Variants in PRPF18 observed in about 807,000 individuals in gnomAD.
The protein encoded by PRPF18 is pre-mRNA processing factor 18.
In PRPF18, 38 loss-of-function variants were observed where a neutral mutation model predicts 46.5. The observed-to-expected ratio is 0.82, with a 90% CI of 0.63 to 1.07. PRPF18 has a LOEUF of 1.07. PRPF18 is among the 50% of genes least tolerant of loss of function. The pLI, the probability that PRPF18 is intolerant of heterozygous loss-of-function variation, is 0.00. For missense variants in PRPF18, 263 were observed against 410.0 expected, an observed-to-expected ratio of 0.64 and a Z score of 3.10; for synonymous variants, 152 against 146.7, an observed-to-expected ratio of 1.04 and a Z score of -0.26.
chr10:13,623,951 T>G (rs755624412), intron 9 of PRPF18, among the ~76,000 whole-genome samples: 3 of 152,222 alleles, frequency 2.0e-5, no homozygotes, highest in Non-Finnish European at 2.9e-5. Flanking sequence ...ATTTACCATC[T>G]TAATCATTTT....
At chr10:13,642,077 T>C in the PRPF18 span, 70,910 of 152,120 alleles carry the variant, frequency 0.47, 19,500 homozygotes, top group East Asian at 0.75. Flanking sequence ...GCTGGGAGCA[T>C]GACTTTGTGC....
intron 1 of PRPF18, among the ~76,000 whole-genome samples, 161 bp from the exon 2 acceptor site, chr10:13,597,297 G>A (rs1353213632): frequency 6.6e-5 from 10 of 151,960 alleles, no homozygotes; most frequent in Admixed American, 5.9e-4. Flanking sequence ...ATGTGCTTGG[G>A]GAATCAATGT....
At chr10:13,597,296 G>T (rs1042835188) in intron 1 of PRPF18, among the ~76,000 whole-genome samples, 162 bp from the exon 2 acceptor site, 1 of 152,038 alleles carries the variant, frequency 6.6e-6, no homozygotes, top group Non-Finnish European at 1.5e-5. Context: ...GATGTGCTTG[G>T]GGAATCAATG....
chr10:13,652,336 C>T, the PRPF18 span: 89 of 274,372 alleles, frequency 3.2e-4, 1 homozygote, highest in South Asian at 4.4e-3. Flanking sequence ...TGCATAGGAC[C>T]CTGAGGAGGG....
chr10:13,652,041 C>G, the PRPF18 span: 1 of 852,400 alleles, frequency 1.2e-6, no homozygotes, highest in Non-Finnish European at 2.1e-6. Flanking sequence ...CTGACACAGA[C>G]ACAGACACGA....
chr10:13,594,381 T>C (rs2080006169), intron 1 of PRPF18, among the ~76,000 whole-genome samples: 1 of 152,226 alleles, frequency 6.6e-6, no homozygotes, highest in South Asian at 2.1e-4. Flanking sequence ...AAGGAGTATC[T>C]TAATAGCCTT....
chr10:13,588,730 A>G (rs1197692471), intron 1 of PRPF18, among the ~76,000 whole-genome samples: 1 of 152,176 alleles, frequency 6.6e-6, no homozygotes, highest in Non-Finnish European at 1.5e-5. Context: ...TTGGAAAGGT[A>G]CTAAAAAGGG....
chr10:13,650,968 A>G, the PRPF18 span: 2 of 152,238 alleles, frequency 1.3e-5, no homozygotes, highest in South Asian at 4.1e-4. Flanking sequence ...CACTTAATAC[A>G]TAAGTGTAGC....
Position 13,587,013 on chromosome 10 carries a change from C to T in PRPF18, c.-74C>T. The T allele has an allele frequency of 1.3e-6, 2 of 1,491,418 alleles. No individual in the cohort carries two copies. Among genetic ancestry groups the T allele is most frequent in the Non-Finnish European group, 1.9e-6 (2 of 1,068,542 alleles). The allele number at this position is 1,491,418 out of a possible 1,614,324, so 92.4% of individuals were successfully genotyped here. A position where few individuals can be genotyped will look rare whatever the true frequency, so the allele number is the denominator to read the frequency against. ...TGTTGTTCCGTATACTCAGTGGGTTCGCGGCCGCCGGCCCAGTGAGGCTGG... is the reference window on the plus strand; with the variant it reads ...TGTTGTTCCGTATACTCAGTGGGTTTGCGGCCGCCGGCCCAGTGAGGCTGG... On this transcript the variant is annotated 5_prime_UTR_variant, in exon 1 of 10. Transcript: ENST00000378572.
chr10:13,606,754 A>AAAAAAC (rs2080191710), intron 4 of PRPF18, among the ~76,000 whole-genome samples: 11 of 151,620 alleles, frequency 7.3e-5, no homozygotes, highest in Non-Finnish European at 1.3e-4. Flanking sequence ...AAAAAAAAAA[A>AAAAAAC]AAAACAGGGA....
chr10:13,591,979 T>C, intron 1 of PRPF18: 2 of 953,998 alleles, frequency 2.1e-6, no homozygotes, highest in Non-Finnish European at 3.1e-6. Flanking sequence ...ACATCTTCAG[T>C]AGGAAAATAT....
the PRPF18 span, chr10:13,640,242 C>G: frequency 6.3e-4 from 96 of 152,288 alleles, no homozygotes; most frequent in Admixed American, 1.2e-3. Flanking sequence ...TTGCAGTTAT[C>G]TCTGTGATAC....
At chr10:13,633,148 A>G (rs1358150712), downstream of PRPF18, among the ~76,000 whole-genome samples, 1 of 152,208 alleles carries the variant, frequency 6.6e-6, no homozygotes, top group Non-Finnish European at 1.5e-5. Flanking sequence ...GCCAAAGATA[A>G]TTGACATGTG....
intron 6 of PRPF18, among the ~76,000 whole-genome samples, chr10:13,612,171 C>T (rs1053448335): frequency 5.3e-5 from 8 of 151,954 alleles, no homozygotes; most frequent in Admixed American, 3.3e-4. Context: ...TGAGCCACTG[C>T]GACTGGTCTG....
intron 9 of PRPF18, among the ~76,000 whole-genome samples, chr10:13,622,508 A>G (rs552217213): frequency 6.6e-6 from 1 of 152,334 alleles, no homozygotes; most frequent in South Asian, 2.1e-4. Flanking sequence ...CTTCCCTCAA[A>G]TTAGTCATTT....
intron 8 of PRPF18, among the ~76,000 whole-genome samples, chr10:13,615,010 G>A (rs1360800195): frequency 2.0e-5 from 3 of 152,186 alleles, no homozygotes; most frequent in East Asian, 1.9e-4. Context: ...GATGATTTAC[G>A]TGATTAGAGC....
intron 1 of PRPF18, among the ~76,000 whole-genome samples, chr10:13,590,387 C>T (rs529914897): frequency 6.7e-5 from 10 of 148,752 alleles, no homozygotes; most frequent in Non-Finnish European, 1.5e-4. Flanking sequence ...GGGCAGATCA[C>T]GAGATTGAGA....
chr10:13,654,456 G>T, the PRPF18 span: 1 of 1,613,646 alleles, frequency 6.2e-7, no homozygotes, highest in South Asian at 1.1e-5. Flanking sequence ...CTGCTTGGGG[G>T]GGTGGCTCCA....
chr10:13,645,170 T>C, the PRPF18 span: 1 of 152,124 alleles, frequency 6.6e-6, no homozygotes. Context: ...ATCCTTACCC[T>C]TCTGGTCTGG....
Sources: gnomAD v4.1 joint callset for allele counts (sites outside exome capture counted in the v4.1 genomes callset) on GRCh38, gnomAD v4.1.1 for gene constraint, MANE v1.5 for transcripts, NCBI Gene and HGNC (gene_info 2026-07-23, HGNC 2026-07-21) for gene names.